The following IQCE variants were observed in gnomAD, a reference collection of about 807,000 sequenced individuals.
The protein encoded by IQCE is IQ domain-containing protein E.
IQCE carries 115 observed loss-of-function variants against 96.0 expected under a neutral mutation model. The observed-to-expected ratio is 1.20, with a 90% CI of 1.03 to 1.40. The LOEUF (loss-of-function observed/expected upper bound fraction) is 1.40. Ranked by LOEUF, IQCE falls within the 40% of genes most tolerant of loss-of-function variation. The pLI is 0.00. For synonymous variants in IQCE, 412 were observed against 371.2 expected (o/e 1.11, Z -1.26); for missense variants, 1,041 against 909.1 (o/e 1.15, Z -1.87).
chr7:2,593,134 A>T lies in IQCE; in HGVS notation c.1349+8A>T. 1 of 1,607,022 alleles carries T rather than the reference A, an allele frequency of 6.2e-7. No individual in the cohort carries two copies. The highest frequency in any genetic ancestry group is 8.5e-7 in the Non-Finnish European group (1 of 1,175,098). Reference sequence around the variant, plus strand: ...GCGAGAGGAGGTTTTGAGGTATGTGACCCGGGTCAGGGCTGGAGAGGACCC... The same window carrying T: ...GCGAGAGGAGGTTTTGAGGTATGTGTCCCGGGTCAGGGCTGGAGAGGACCC... On this transcript the variant is annotated splice_region_variant and intron_variant, in intron 15 of 21. Coordinates refer to ENST00000402050, the MANE Select transcript of IQCE (RefSeq NM_152558.5).
intron 18 of IQCE, among the ~76,000 whole-genome samples, chr7:2,603,505 C>A (rs1300743885): frequency 6.6e-6 from 1 of 152,162 alleles, no homozygotes; most frequent in Non-Finnish European, 1.5e-5. Flanking sequence ...GCCTCAGGGG[C>A]CTCGTCTCTA....
At chr7:2,561,025 T>C (rs571283945) in intron 1 of IQCE, among the ~76,000 whole-genome samples, 1 of 148,326 alleles carries the variant, frequency 6.7e-6, no homozygotes, top group South Asian at 2.3e-4. Context: ...TGATGCCATC[T>C]CAGATCACTG....
chr7:2,578,306 A>T lies in IQCE; in HGVS notation c.530A>T (p.Glu177Val). 6.2e-7 allele frequency: 1 copy of T among 1,613,906 alleles called. No homozygotes were observed. Among genetic ancestry groups the T allele is most frequent in the Non-Finnish European group, 8.5e-7 (1 of 1,179,958 alleles). Residue 177 changes from glutamate (E) to valine (V), a missense_variant, in exon 7 of 22, where the codon GAA becomes GTA. Coordinates refer to ENST00000402050, the MANE Select transcript of IQCE (RefSeq NM_152558.5). ...ACGAAGCTCCGGCGCCTGGAGGAGG[A>T]AAACAGCAGGAAGGACCGGCAGATA... is the stretch of plus-strand genomic sequence containing the variant. ...MRTKLRRLEE[E>V]NSRKDRQIEQ...
At position 2,583,623 on chromosome 7, in the gene IQCE, A is replaced by T. The variant is rs759154341; in HGVS notation, c.702-14A>T. The T allele has an allele frequency of 2.5e-6, 4 of 1,589,946 alleles. No individual in the cohort carries two copies. Among genetic ancestry groups the T allele is most frequent in the South Asian group, 1.1e-5 (1 of 90,492 alleles). On this transcript the variant is annotated splice_polypyrimidine_tract_variant and intron_variant, in intron 9 of 21. Transcript: ENST00000402050. ...GCTGGCACATCCCTATTAACGCTGA[A>T]CTTGGGTTTTCAGCAAACTCCAGAC... is the stretch of plus-strand genomic sequence containing the variant.
chr7:2,597,927 C>T (rs949161365), intron 16 of IQCE, among the ~76,000 whole-genome samples: 1 of 152,304 alleles, frequency 6.6e-6, no homozygotes, highest in East Asian at 1.9e-4. Flanking sequence ...CTTGGCCCCC[C>T]ACATTGTTGG....
At chr7:2,577,949 T>G (rs12700090) in intron 6 of IQCE, among the ~76,000 whole-genome samples, 3,230 of 9,378 alleles carry the variant, frequency 0.34, 1,314 homozygotes, top group Non-Finnish European at 0.38. Context: ...GCCCGCAGTG[T>G]CGTGTGCGTG....
At position 2,585,894 on chromosome 7, in the gene IQCE, C is replaced by T. The variant is rs551390800; in HGVS notation, c.825-314C>T. Among the ~76,000 whole-genome samples the T allele has an allele frequency of 7.9e-5, 12 of 152,330 alleles. No individual in the cohort carries two copies. In the East Asian group the frequency reaches 2.3e-3, roughly 29 times the overall value. ...GGCGAAACCCGAGCTATCCTGCAAG[C>T]ACCTGGCGTAACAAGATGCCTTTCC... is the stretch of plus-strand genomic sequence containing the variant. On this transcript the variant is annotated intron_variant, in intron 11 of 21. Coordinates refer to ENST00000402050, the MANE Select transcript of IQCE (RefSeq NM_152558.5).
At chr7:2,581,139 A>G (rs965631930) in intron 8 of IQCE, among the ~76,000 whole-genome samples, 3 of 151,926 alleles carry the variant, frequency 2.0e-5, no homozygotes, top group Non-Finnish European at 4.4e-5. Context: ...CACCGCGCCC[A>G]GCCCTGTAAC....
chr7:2,574,354 A>G (rs970909248), intron 6 of IQCE, among the ~76,000 whole-genome samples: 1 of 152,232 alleles, frequency 6.6e-6, no homozygotes, highest in Non-Finnish European at 1.5e-5. Flanking sequence ...GCTGGGAAGA[A>G]ACTGGGGAAC....
chr7:2,567,176 G>A lies in IQCE; in HGVS notation c.84+13G>A. 1 of 1,612,136 alleles carries A rather than the reference G, an allele frequency of 6.2e-7. No homozygotes were observed. ...TGATGTGGAGACGGTGAGTGCCGCT[G>A]GGTGTCAGCCGTGCGACCTCGGGCT... On this transcript the variant is annotated intron_variant, in intron 2 of 21. Transcript: ENST00000402050.
At chr7:2,589,712 G>A (rs1583466204) in intron 13 of IQCE, among the ~76,000 whole-genome samples, 195 bp from the exon 14 acceptor site, 1 of 151,974 alleles carries the variant, frequency 6.6e-6, no homozygotes, top group East Asian at 2.0e-4. Context: ...TCTGATTAAA[G>A]AGACTGAGCA....
chr7:2,580,122 C>T (rs1235810116), intron 8 of IQCE: 1 of 152,006 alleles, frequency 6.6e-6, no homozygotes, highest in African/African-American at 2.4e-5. Flanking sequence ...GTGGCTGTGC[C>T]CTGTGGCCTG....
intron 6 of IQCE, 30 bp from the exon 7 acceptor site, chr7:2,578,212 A>ACG: frequency 6.5e-7 from 1 of 1,527,824 alleles, no homozygotes; most frequent in African/African-American, 1.4e-5. Context: ...CTTCGTGTGG[A>ACG]TGGCTGTGCA....
chr7:2,559,245 G>GCCC (rs1411919926), intron 1 of IQCE, 28 bp downstream of exon 1: 37 of 1,201,450 alleles, frequency 3.1e-5, no homozygotes, highest in Admixed American at 4.4e-5. Flanking sequence ...GGCGACGCCG[G>GCCC]GCGGGCGTCC....
intron 1 of IQCE, among the ~76,000 whole-genome samples, chr7:2,561,625 G>A (rs1780969549): frequency 6.6e-6 from 1 of 151,774 alleles, no homozygotes; most frequent in African/African-American, 2.4e-5. Context: ...GTTTCACCTT[G>A]TTAGCCAGGA....
At chr7:2,582,509 C>G (rs764101740) in intron 8 of IQCE, 71 bp from the exon 9 acceptor site, 2 of 1,292,866 alleles carry the variant, frequency 1.5e-6, no homozygotes, top group Non-Finnish European at 2.2e-6. Context: ...GGTGCTCTGG[C>G]AGGAGGGGAC....
At chr7:2,576,925 C>A (rs550628608) in intron 6 of IQCE, among the ~76,000 whole-genome samples, 5 of 152,204 alleles carry the variant, frequency 3.3e-5, no homozygotes, top group African/African-American at 1.2e-4. Context: ...CGTCCAGCCC[C>A]GGTGTTGGCG....
At chr7:2,605,365 A>G (rs1028384061) in intron 19 of IQCE, among the ~76,000 whole-genome samples, 1 of 152,034 alleles carries the variant, frequency 6.6e-6, no homozygotes, top group East Asian at 1.9e-4. Flanking sequence ...TCACACCTGT[A>G]ATCCCAGCAC....
intron 13 of IQCE, among the ~76,000 whole-genome samples, chr7:2,588,335 GTTTTGT>G (rs958762147): frequency 6.6e-6 from 1 of 151,862 alleles, no homozygotes; most frequent in Non-Finnish European, 1.5e-5. Flanking sequence ...TTGGACCTTT[GTTTTGT>G]TTTTGTTTTT....
Sources: gnomAD v4.1 joint callset for allele counts (sites outside exome capture counted in the v4.1 genomes callset) on GRCh38, gnomAD v4.1.1 for gene constraint, MANE v1.5 for transcripts, NCBI Gene and HGNC (gene_info 2026-07-23, HGNC 2026-07-21) for gene names.